ARHGEF28: variants seen among roughly 807,000 people sequenced by gnomAD.
ARHGEF28 encodes the protein Rho guanine nucleotide exchange factor 28.
ARHGEF28 carries 152 observed loss-of-function variants against 206.6 expected under a neutral mutation model. That is an observed-to-expected ratio of 0.74 (90% CI 0.64 to 0.84). ARHGEF28 has a LOEUF of 0.84. ARHGEF28 is among the 40% of genes least tolerant of loss of function. The probability of loss-of-function intolerance (pLI) is 0.00; values close to 1 mark genes in which losing one functional copy is unlikely to be tolerated. For synonymous variants in ARHGEF28, 763 were observed against 776.4 expected, an observed-to-expected ratio of 0.98 and a Z score of 0.29; for missense variants, 2,028 against 2,073.2, an observed-to-expected ratio of 0.98 and a Z score of 0.42.
chr5:73,924,196 C>T (rs1763676993), intron 35 of ARHGEF28, among the ~76,000 whole-genome samples: 1 of 152,078 alleles, frequency 6.6e-6, no homozygotes, highest in African/African-American at 2.4e-5. Context: ...AAGTGAGGGA[C>T]CTGAGTGAAG....
At chr5:73,792,253 T>C (rs1275870419) in intron 7 of ARHGEF28, among the ~76,000 whole-genome samples, 2 of 152,224 alleles carry the variant, frequency 1.3e-5, no homozygotes, top group Non-Finnish European at 2.9e-5. Flanking sequence ...GTACTTGTTC[T>C]GAAGTGAAAA....
chr5:73,653,337 C>T (rs1045306407), intron 1 of ARHGEF28, among the ~76,000 whole-genome samples: 22 of 152,192 alleles, frequency 1.4e-4, no homozygotes, highest in African/African-American at 4.8e-4. Flanking sequence ...CTGAATATTA[C>T]ACCGTATTTT....
At chr5:73,857,574 C>CACAT in intron 14 of ARHGEF28, 82 bp from the exon 15 acceptor site, 2 of 1,379,864 alleles carry the variant, frequency 1.4e-6, no homozygotes, top group Non-Finnish European at 2.0e-6. Context: ...TACACACACA[C>CACAT]ACACACACAC....
chr5:73,680,203 A>T (rs1746982663), intron 1 of ARHGEF28, among the ~76,000 whole-genome samples: 1 of 151,904 alleles, frequency 6.6e-6, no homozygotes, highest in Non-Finnish European at 1.5e-5. Flanking sequence ...GGGAGGCTGA[A>T]GTGTGTGGAT....
At chr5:73,858,058 C>T in intron 15 of ARHGEF28, 29 bp from the exon 16 acceptor site, 1 of 1,574,546 alleles carries the variant, frequency 6.4e-7, no homozygotes, top group Non-Finnish European at 8.6e-7. Flanking sequence ...TTTTTCCCCA[C>T]TTTCCTACTG....
intron 1 of ARHGEF28, among the ~76,000 whole-genome samples, chr5:73,645,929 C>T (rs1744397162): frequency 6.6e-6 from 1 of 151,922 alleles, no homozygotes; most frequent in Non-Finnish European, 1.5e-5. Context: ...CATAAATGCC[C>T]ACTTGAAATC....
At chr5:73,747,859 C>T (rs1369306880) in intron 2 of ARHGEF28, among the ~76,000 whole-genome samples, 1 of 152,098 alleles carries the variant, frequency 6.6e-6, no homozygotes, top group Non-Finnish European at 1.5e-5. Context: ...CTGTAATGTT[C>T]AGGGTTGTAT....
rs111655008 is a variant in ARHGEF28 at position 73,645,950 on chromosome 5, A to G, written c.-12+19628A>G. Among the ~76,000 whole-genome samples the G allele has an allele frequency of 2.1e-3, 317 of 151,946 alleles. 3 individuals are homozygous for G. The highest frequency in any genetic ancestry group is 7.4e-3 in the African/African-American group (308 of 41,406). On this transcript the variant is annotated intron_variant, in intron 1 of 35. Coordinates refer to ENST00000513042, the MANE Select transcript of ARHGEF28 (RefSeq NM_001177693.2). ...TGCCCACTTGAAATCTACATCTTTG[A>G]TATGATTCTGGTACCATACTTAAGC...
intron 27 of ARHGEF28, among the ~76,000 whole-genome samples, chr5:73,892,504 A>ATC (rs1032472853): frequency 6.6e-6 from 1 of 152,072 alleles, no homozygotes; most frequent in African/African-American, 2.4e-5. Flanking sequence ...AGTCCTGGTG[A>ATC]TCTCTTTCTT....
intron 16 of ARHGEF28, 129 bp downstream of exon 16, chr5:73,858,348 A>G (rs190906523): frequency 2.5e-6 from 3 of 1,210,382 alleles, no homozygotes; most frequent in East Asian, 5.1e-5. Context: ...ACCGTTTACC[A>G]AGCAAGGACT....
At chr5:73,725,339 A>T (rs1188139796) in intron 2 of ARHGEF28, among the ~76,000 whole-genome samples, 1 of 152,240 alleles carries the variant, frequency 6.6e-6, no homozygotes, top group Non-Finnish European at 1.5e-5. Context: ...CTATTATATG[A>T]ATTCATTTAG....
chr5:73,765,530 T>C (rs1391277614), intron 4 of ARHGEF28, among the ~76,000 whole-genome samples: 2 of 152,234 alleles, frequency 1.3e-5, no homozygotes, highest in African/African-American at 2.4e-5. Flanking sequence ...CCATCATATC[T>C]ACAAAACACC....
chr5:73,918,467 A>C lies in ARHGEF28; in HGVS notation c.4948+6892A>C, dbSNP rs1025147980. 1.3e-4 allele frequency among the ~76,000 whole-genome samples: 20 copies of C among 152,242 alleles called. 1 individual carries two copies. The highest frequency in any genetic ancestry group is 4.8e-4 in the African/African-American group (20 of 41,466). On this transcript the variant is annotated intron_variant, in intron 35 of 35. Transcript: ENST00000513042. ...TTGGGTGAATTAATAGTGCAATATT[A>C]TATGGCATTTCATGCCATTCAAAAG...
intron 9 of ARHGEF28, among the ~76,000 whole-genome samples, chr5:73,812,974 C>T (rs572428502): frequency 4.7e-4 from 72 of 152,166 alleles, no homozygotes; most frequent in African/African-American, 7.7e-4. Flanking sequence ...TTCTTAGATC[C>T]GAAAAGCTGC....
At chr5:73,887,468 T>C in intron 25 of ARHGEF28, 135 bp from the exon 26 acceptor site, 1 of 643,344 alleles carries the variant, frequency 1.6e-6, no homozygotes, top group Admixed American at 3.2e-5. Context: ...TAATAGCATA[T>C]ATCTTTGGCT....
At position 73,901,318 on chromosome 5, in the gene ARHGEF28, G is replaced by A. The variant is rs374070449; in HGVS notation, c.4074+34G>A. The A allele has an allele frequency of 9.9e-5, 156 of 1,572,342 alleles. 1 individual carries two copies. The Middle Eastern group carries it at 1.5e-3, about 15-fold the overall frequency. ...AACTGATTTGTTAGTAAACGGCAGC[G>A]GTTACTGTGTATAATAAAATAGCCT... On this transcript the variant is annotated intron_variant, in intron 31 of 35. Transcript: ENST00000513042.
Position 73,773,978 on chromosome 5 carries a change from C to A in ARHGEF28, c.599C>A (p.Ala200Asp). Residue 200 changes from alanine (A) to aspartate (D), a missense_variant, in exon 5 of 36, where the codon GCC (alanine) becomes GAC (aspartate). Coordinates refer to ENST00000513042, the MANE Select transcript of ARHGEF28 (RefSeq NM_001177693.2). Reference protein sequence around the residue: ...QALALPNEEGATPLDLALREG... With the variant: ...QALALPNEEGDTPLDLALREG... ...TTGGCTTTACCCAACGAAGAGGGTG[C>A]CACACCATTAGACTTAGCTTTACGT... 2 of 1,606,666 alleles carry A rather than the reference C, an allele frequency of 1.2e-6. No homozygotes were observed. The highest frequency in any genetic ancestry group is 8.5e-7 in the Non-Finnish European group (1 of 1,176,410).
intron 2 of ARHGEF28, among the ~76,000 whole-genome samples, chr5:73,701,974 A>G (rs1430285800): frequency 6.6e-6 from 1 of 152,242 alleles, no homozygotes; most frequent in African/African-American, 2.4e-5. Flanking sequence ...TTGTCTGGAC[A>G]TAATTTTCAT....
At chr5:73,739,747 A>G (rs10066155) in intron 2 of ARHGEF28, among the ~76,000 whole-genome samples, 37,709 of 150,680 alleles carry the variant, frequency 0.25, 5,012 homozygotes, top group Non-Finnish European at 0.3. Context: ...GGAGGCCATG[A>G]TTGTGGTGAG....
Sources: allele counts gnomAD v4.1 joint callset (sites outside exome capture counted in the v4.1 genomes callset), GRCh38; gene constraint gnomAD v4.1.1; transcripts MANE v1.5; gene names NCBI Gene and HGNC (gene_info 2026-07-23, HGNC 2026-07-21).